ZNF568: variants seen among roughly 807,000 people sequenced by gnomAD.
ZNF568 encodes the protein p53 inhibitor of SCO2 activation.
In ZNF568, 11 loss-of-function variants were observed where a neutral mutation model predicts 18.1. That is an observed-to-expected ratio of 0.61 (90% CI 0.38 to 1.00). ZNF568 has a LOEUF of 1.00. Ranked by LOEUF, ZNF568 falls within the 50% of genes least tolerant of loss-of-function variation. The pLI is 0.01. For missense variants in ZNF568, 639 were observed against 768.2 expected, an observed-to-expected ratio of 0.83 and a Z score of 1.99; for synonymous variants, 213 against 246.6, an observed-to-expected ratio of 0.86 and a Z score of 1.28.
chr19:36,992,265 A>AG (rs2074432171), intron 4 of ZNF568, among the ~76,000 whole-genome samples: 1 of 144,294 alleles, frequency 6.9e-6, no homozygotes, highest in African/African-American at 2.6e-5. Context: ...AAAAAAAAGG[A>AG]GGCCAAGGCA....
intron 2 of ZNF568, among the ~76,000 whole-genome samples, chr19:36,987,361 C>T (rs1252535117): frequency 6.6e-6 from 1 of 152,156 alleles, no homozygotes; most frequent in African/African-American, 2.4e-5. Context: ...TGGCTCAGTG[C>T]TGGTCATTCT....
chr19:36,923,504 G>C (rs534039862), intron 3 of ZNF568, among the ~76,000 whole-genome samples: 38 of 151,810 alleles, frequency 2.5e-4, no homozygotes, highest in Non-Finnish European at 4.6e-4. Flanking sequence ...GACGAAGGAA[G>C]TGAGCATGTT....
chr19:36,977,723 G>C (rs2074297664), intron 7 of ZNF568, among the ~76,000 whole-genome samples: 1 of 152,140 alleles, frequency 6.6e-6, no homozygotes, highest in African/African-American at 2.4e-5. Context: ...ACCCTTCATT[G>C]TCTATTTCTC....
chr19:36,976,662 G>A (rs1600847373), intron 7 of ZNF568, among the ~76,000 whole-genome samples: 1 of 152,162 alleles, frequency 6.6e-6, no homozygotes, highest in African/African-American at 2.4e-5. Context: ...TGTAATCCCA[G>A]CACTTTGGGA....
intron 2 of ZNF568, among the ~76,000 whole-genome samples, chr19:36,918,518 A>C (rs2146261667): frequency 6.6e-6 from 1 of 152,272 alleles, no homozygotes; most frequent in East Asian, 1.9e-4. Context: ...TACAGACACA[A>C]CTGTAGTAGG....
chr19:36,983,083 C>A (rs1001289629), downstream of ZNF568, among the ~76,000 whole-genome samples: 3 of 152,174 alleles, frequency 2.0e-5, no homozygotes, highest in Non-Finnish European at 4.4e-5. Context: ...ATATGAAATT[C>A]AAATTTTAGT....
intron 4 of ZNF568, among the ~76,000 whole-genome samples, chr19:36,936,296 A>G (rs2073788658): frequency 6.6e-6 from 1 of 152,196 alleles, no homozygotes; most frequent in Non-Finnish European, 1.5e-5. Flanking sequence ...TATAATTACT[A>G]CTGCATATAA....
intron 6 of ZNF568, among the ~76,000 whole-genome samples, chr19:36,940,072 T>A (rs2073855609): frequency 6.6e-6 from 1 of 152,202 alleles, no homozygotes; most frequent in Non-Finnish European, 1.5e-5. Flanking sequence ...TTACATGACT[T>A]CTTTCTCATC....
At chr19:36,932,368 A>G (rs1488174687) in intron 4 of ZNF568, among the ~76,000 whole-genome samples, 3 of 152,190 alleles carry the variant, frequency 2.0e-5, no homozygotes, top group African/African-American at 7.2e-5. Context: ...TGGGCAGATC[A>G]CCTGAAGTCA....
At chr19:36,980,672 A>AT (rs1388647642), downstream of ZNF568, among the ~76,000 whole-genome samples, 1 of 152,186 alleles carries the variant, frequency 6.6e-6, no homozygotes, top group Non-Finnish European at 1.5e-5. Context: ...ATTGGGTTGT[A>AT]TTACCCTCCC....
intron 6 of ZNF568, among the ~76,000 whole-genome samples, chr19:36,945,747 G>C (rs1183486353): frequency 6.6e-6 from 1 of 151,600 alleles, no homozygotes; most frequent in Non-Finnish European, 1.5e-5. Flanking sequence ...ATGTGTGTGT[G>C]TGTGTGTGTG....
At chr19:36,981,884 G>A (rs1206601141), downstream of ZNF568, among the ~76,000 whole-genome samples, 1 of 151,506 alleles carries the variant, frequency 6.6e-6, no homozygotes, top group African/African-American at 2.4e-5. Flanking sequence ...AAAAAAAAAA[G>A]TAAATAAAAT....
At chr19:36,960,283 A>T (rs2074138968) in intron 6 of ZNF568, among the ~76,000 whole-genome samples, 1 of 151,080 alleles carries the variant, frequency 6.6e-6, no homozygotes, top group African/African-American at 2.4e-5. Flanking sequence ...ATGCCCAGCT[A>T]ATGTTTGTAT....
intron 4 of ZNF568, among the ~76,000 whole-genome samples, chr19:36,993,596 G>C (rs1467511292): frequency 1.3e-5 from 2 of 151,960 alleles, no homozygotes; most frequent in Admixed American, 1.3e-4. Flanking sequence ...GTCTATTCAG[G>C]TATTCTATTT....
chr19:36,925,949 G>A (rs957354396), intron 4 of ZNF568, among the ~76,000 whole-genome samples: 1 of 152,126 alleles, frequency 6.6e-6, no homozygotes, highest in Non-Finnish European at 1.5e-5. Context: ...TCCTAGGGAC[G>A]ACTGTAATTC....
At chr19:36,996,608 T>C (rs1190605075) in exon 5 of ZNF568, 1 of 1,535,538 alleles carries the variant, frequency 6.5e-7, no homozygotes, top group East Asian at 2.4e-5. Context: ...CATGAAATAA[T>C]TCATAATAAG....
At chr19:36,921,322 G>T (rs547111810) in intron 2 of ZNF568, among the ~76,000 whole-genome samples, 1 of 152,030 alleles carries the variant, frequency 6.6e-6, no homozygotes, top group Non-Finnish European at 1.5e-5. Flanking sequence ...TTAGCCGGGC[G>T]TGGTGGCGCA....
intron 5 of ZNF568, 53 bp downstream of exon 5, chr19:36,936,925 G>A (rs2073800270): frequency 6.3e-7 from 1 of 1,595,876 alleles, no homozygotes; most frequent in South Asian, 1.1e-5. Context: ...TTCCATTTCT[G>A]AAATGTGTGA....
downstream of ZNF568, among the ~76,000 whole-genome samples, chr19:36,983,097 C>T (rs1285221241): frequency 6.6e-6 from 1 of 152,182 alleles, no homozygotes; most frequent in African/African-American, 2.4e-5. Context: ...TTTTAGTGTT[C>T]ATGAATAAAG....
Sources: allele counts gnomAD v4.1 joint callset (sites outside exome capture counted in the v4.1 genomes callset), GRCh38; gene constraint gnomAD v4.1.1; transcripts MANE v1.5; gene names NCBI Gene and HGNC (gene_info 2026-07-23, HGNC 2026-07-21).